SLC16A12: variants seen among roughly 807,000 people sequenced by gnomAD.
The protein encoded by SLC16A12 is monocarboxylate transporter 12.
In SLC16A12, 17 loss-of-function variants were observed where a neutral mutation model predicts 42.4. That is an observed-to-expected ratio of 0.40 (90% CI 0.27 to 0.60). The LOEUF is 0.60. Ranked by LOEUF, SLC16A12 falls within the 20% of genes least tolerant of loss-of-function variation. The probability of loss-of-function intolerance (pLI) is 0.42; values close to 1 mark genes in which losing one functional copy is unlikely to be tolerated. For synonymous variants in SLC16A12, 224 were observed against 229.4 expected, an observed-to-expected ratio of 0.98 and a Z score of 0.21; for missense variants, 544 against 623.0, an observed-to-expected ratio of 0.87 and a Z score of 1.35.
At chr10:89,555,935 T>C (rs532721877) in exon 2 of SLC16A12, 13 of 151,502 alleles carry the variant, frequency 8.6e-5, no homozygotes, top group Admixed American at 7.9e-4. Context: ...CACCCTGCAC[T>C]CTGGTATGGG....
chr10:89,527,618 A>C (rs2133864542), intron 2 of SLC16A12, among the ~76,000 whole-genome samples: 1 of 151,136 alleles, frequency 6.6e-6, no homozygotes, highest in South Asian at 2.1e-4. Flanking sequence ...AAAACATAGT[A>C]AGACTCCATT....
intron 2 of SLC16A12, among the ~76,000 whole-genome samples, chr10:89,510,169 TTA>T (rs1384729871): frequency 6.6e-6 from 1 of 152,146 alleles, no homozygotes; most frequent in African/African-American, 2.4e-5. Flanking sequence ...CCAAAGTAAT[TTA>T]TAGAGTCAAT....
intron 3 of SLC16A12, among the ~76,000 whole-genome samples, chr10:89,444,158 T>G (rs1316269439): frequency 1.3e-5 from 2 of 152,210 alleles, no homozygotes; most frequent in African/African-American, 2.4e-5. Flanking sequence ...TTTTGTATTT[T>G]GCTAACTTCT....
chr10:89,551,403 A>G (rs1209199480), intron 2 of SLC16A12, among the ~76,000 whole-genome samples: 5 of 152,150 alleles, frequency 3.3e-5, no homozygotes, highest in African/African-American at 1.2e-4. Flanking sequence ...AGATCACACT[A>G]CTGCACTCCA....
chr10:89,509,988 T>C (rs1171900589), intron 2 of SLC16A12, among the ~76,000 whole-genome samples: 1 of 152,144 alleles, frequency 6.6e-6, no homozygotes, highest in Non-Finnish European at 1.5e-5. Context: ...CCATTCACAA[T>C]TGCTACAAAG....
chr10:89,472,167 T>C (rs1189271143), intron 2 of SLC16A12, among the ~76,000 whole-genome samples: 1 of 152,218 alleles, frequency 6.6e-6, no homozygotes, highest in African/African-American at 2.4e-5. Flanking sequence ...GTTGATTGCA[T>C]TTCTCTATAT....
intron 4 of SLC16A12, among the ~76,000 whole-genome samples, chr10:89,441,520 C>T (rs529219345): frequency 1.1e-4 from 16 of 152,238 alleles, no homozygotes; most frequent in South Asian, 6.2e-4. Flanking sequence ...AATGGCAGGA[C>T]GGTAGGGTGT....
intron 2 of SLC16A12, among the ~76,000 whole-genome samples, chr10:89,487,006 G>C (rs1732371932): frequency 6.6e-6 from 1 of 152,194 alleles, no homozygotes. Context: ...GGAAGTATGG[G>C]ACGAAACATA....
At chr10:89,480,840 T>C (rs149169457) in intron 2 of SLC16A12, among the ~76,000 whole-genome samples, 248 of 152,308 alleles carry the variant, frequency 1.6e-3, no homozygotes, top group African/African-American at 5.5e-3. Flanking sequence ...GGGAGAACTA[T>C]AAATCCAAGA....
Position 89,441,148 on chromosome 10 carries a change from C to G in SLC16A12, c.408G>C (p.Thr136=). 2 of 1,613,908 alleles carry G rather than the reference C, an allele frequency of 1.2e-6. No individual in the cohort carries two copies. Among genetic ancestry groups the G allele is most frequent in the Non-Finnish European group, 1.7e-6 (2 of 1,179,836 alleles). The change falls in exon 5 of 8, where the codon ACG becomes ACC. Residue 136 remains threonine, a synonymous_variant. Transcript: ENST00000371790. ...GAGTGAGGTAGAGATGCTTCAGACT[C>G]GTGGCAAATGAGCTCAGGATGAGTC... ...STGLILSSFA[T]SLKHLYLTLG... is the part of the protein sequence containing the mutation.
intron 2 of SLC16A12, among the ~76,000 whole-genome samples, chr10:89,543,561 G>C (rs1487129186): frequency 6.6e-6 from 1 of 152,154 alleles, no homozygotes; most frequent in Admixed American, 6.5e-5. Flanking sequence ...GGGTGCAGTG[G>C]CTCATACCTG....
At chr10:89,518,749 G>A (rs1589722424) in intron 2 of SLC16A12, among the ~76,000 whole-genome samples, 1 of 151,982 alleles carries the variant, frequency 6.6e-6, no homozygotes, top group Non-Finnish European at 1.5e-5. Flanking sequence ...TTACTCTGAG[G>A]CCCAGCCCCC....
intron 2 of SLC16A12, among the ~76,000 whole-genome samples, chr10:89,498,790 G>A (rs1842958027): frequency 6.6e-6 from 1 of 152,112 alleles, no homozygotes; most frequent in South Asian, 2.1e-4. Flanking sequence ...ACCCACAGAC[G>A]CTCCACATCA....
rs140546346 is a variant in SLC16A12, at chr10:89,479,254, T to C, written c.-46-16630A>G. On this transcript the variant is annotated intron_variant, in intron 2 of 7. Coordinates refer to ENST00000371790, the MANE Select transcript of SLC16A12 (RefSeq NM_213606.4). ...ACTTTTCGCTGTAAGAGGGGTTGCTTATCTGTTTCCTTGGGAGAAATCATT... is the reference window on the plus strand; with the variant it reads ...ACTTTTCGCTGTAAGAGGGGTTGCTCATCTGTTTCCTTGGGAGAAATCATT... Among the ~76,000 whole-genome samples, 348 of 152,330 alleles carry C rather than the reference T, an allele frequency of 2.3e-3. 1 individual carries two copies. Among genetic ancestry groups the C allele is most frequent in the African/African-American group, 7.9e-3 (328 of 41,576 alleles).
chr10:89,475,559 C>T (rs1842564842), intron 2 of SLC16A12, among the ~76,000 whole-genome samples: 1 of 152,200 alleles, frequency 6.6e-6, no homozygotes, highest in South Asian at 2.1e-4. Flanking sequence ...GAGACTAAGA[C>T]TGCTTTTTTT....
At chr10:89,537,821 T>C (rs1326199498), upstream of SLC16A12, among the ~76,000 whole-genome samples, 1 of 152,270 alleles carries the variant, frequency 6.6e-6, no homozygotes, top group East Asian at 1.9e-4. Flanking sequence ...CAGGGGGCTC[T>C]AGCAAAGACC....
chr10:89,526,019 A>G (rs2133862197), intron 2 of SLC16A12, among the ~76,000 whole-genome samples: 1 of 152,292 alleles, frequency 6.6e-6, no homozygotes, highest in African/African-American at 2.4e-5. Context: ...GTGCACTTCA[A>G]CCTGCATGTA....
intron 2 of SLC16A12, among the ~76,000 whole-genome samples, chr10:89,510,780 C>T (rs1373149790): frequency 2.0e-5 from 3 of 152,156 alleles, no homozygotes; most frequent in Non-Finnish European, 4.4e-5. Flanking sequence ...AAACTATCAG[C>T]AGAGTGAACA....
intron 2 of SLC16A12, among the ~76,000 whole-genome samples, chr10:89,484,437 T>C (rs538425565): frequency 2.3e-4 from 35 of 152,334 alleles, no homozygotes; most frequent in African/African-American, 8.4e-4. Flanking sequence ...TGAAAAGAGT[T>C]TCAACTCACA....
Sources: allele counts gnomAD v4.1 joint callset (sites outside exome capture counted in the v4.1 genomes callset), GRCh38; gene constraint gnomAD v4.1.1; transcripts MANE v1.5; gene names NCBI Gene and HGNC (gene_info 2026-07-23, HGNC 2026-07-21).